The following BLTP3B variants were observed in gnomAD, a reference collection of about 807,000 sequenced individuals.
BLTP3B encodes the protein UHRF1 (ICBP90) binding protein 1-like.
the BLTP3B span, chr12:100,057,649 TG>T: frequency 1.9e-6 from 3 of 1,612,852 alleles, no homozygotes; most frequent in Non-Finnish European, 2.5e-6. Flanking sequence ...TCAAGTGAAA[TG>T]GTATCCAATG....
At chr12:100,047,200 T>A in the BLTP3B span, among the ~76,000 whole-genome samples, 1 of 152,192 alleles carries the variant, frequency 6.6e-6, no homozygotes, top group African/African-American at 2.4e-5. Flanking sequence ...GGTGTTCATT[T>A]AAATGGGTTT....
chr12:100,087,530 C>T, the BLTP3B span, among the ~76,000 whole-genome samples: 3 of 152,168 alleles, frequency 2.0e-5, no homozygotes, highest in African/African-American at 7.2e-5. Context: ...CCATGCAACA[C>T]TCTCAGCAGG....
chr12:100,089,153 A>G, the BLTP3B span: 2 of 1,367,050 alleles, frequency 1.5e-6, no homozygotes, highest in Non-Finnish European at 1.9e-6. Flanking sequence ...AATTTCACAC[A>G]AAAATCTAAG....
the BLTP3B span, chr12:100,108,486 A>G: frequency 6.2e-7 from 1 of 1,613,666 alleles, no homozygotes; most frequent in Non-Finnish European, 8.5e-7. Context: ...CAAATTCTTC[A>G]GTTCACCTTC....
the BLTP3B span, chr12:100,051,177 T>C: frequency 2.5e-6 from 4 of 1,613,810 alleles, no homozygotes; most frequent in African/African-American, 1.3e-5. Flanking sequence ...GCATTCACAC[T>C]TTCTGCTGTG....
At chr12:100,062,869 G>A in the BLTP3B span, among the ~76,000 whole-genome samples, 1 of 151,968 alleles carries the variant, frequency 6.6e-6, no homozygotes, top group South Asian at 2.1e-4. Context: ...GCTGAGGTGG[G>A]AAGGTCACTT....
the BLTP3B span, chr12:100,051,238 G>A: frequency 1.2e-6 from 2 of 1,605,738 alleles, no homozygotes; most frequent in Admixed American, 1.7e-5. Flanking sequence ...TAACACAAAA[G>A]TAAATTAATA....
chr12:100,049,028 T>C, the BLTP3B span, among the ~76,000 whole-genome samples: 1 of 152,038 alleles, frequency 6.6e-6, no homozygotes, highest in Non-Finnish European at 1.5e-5. Context: ...TGCTAATTGG[T>C]TCCAAAATGG....
chr12:100,112,416 A>C, the BLTP3B span, among the ~76,000 whole-genome samples: 1 of 152,186 alleles, frequency 6.6e-6, no homozygotes, highest in Non-Finnish European at 1.5e-5. Flanking sequence ...CTGAGCTGGG[A>C]GGATTGCTTG....
At chr12:100,140,613 G>C in the BLTP3B span, among the ~76,000 whole-genome samples, 3 of 144,666 alleles carry the variant, frequency 2.1e-5, no homozygotes, top group African/African-American at 7.7e-5. Context: ...GCTGAGGCAG[G>C]AGAACTGATT....
chr12:100,079,672 G>A, the BLTP3B span, among the ~76,000 whole-genome samples: 2 of 152,204 alleles, frequency 1.3e-5, no homozygotes, highest in East Asian at 1.9e-4. Flanking sequence ...ACAGAAATTT[G>A]CGTAAGTAAA....
the BLTP3B span, among the ~76,000 whole-genome samples, chr12:100,046,932 T>C: frequency 6.6e-6 from 1 of 152,108 alleles, no homozygotes; most frequent in East Asian, 1.9e-4. Context: ...AGAGATCAAC[T>C]GAGAGACACA....
At chr12:100,142,312 G>C in the BLTP3B span, among the ~76,000 whole-genome samples, 1 of 152,302 alleles carries the variant, frequency 6.6e-6, no homozygotes, top group African/African-American at 2.4e-5. Flanking sequence ...CCCAGACGCC[G>C]CGCCGGGAGC....
At chr12:100,060,071 T>A in the BLTP3B span, 9 of 1,526,894 alleles carry the variant, frequency 5.9e-6, no homozygotes, top group African/African-American at 8.5e-5. Context: ...TTTTTAAAAA[T>A]TTTTAATTGG....
At chr12:100,136,570 G>C in the BLTP3B span, among the ~76,000 whole-genome samples, 4 of 151,910 alleles carry the variant, frequency 2.6e-5, no homozygotes, top group Non-Finnish European at 5.9e-5. Context: ...ATTATTTACT[G>C]AGCTTTACCA....
chr12:100,130,987 GAGAGAGAGAGAGAGAGA>G, the BLTP3B span, among the ~76,000 whole-genome samples: 16 of 76,336 alleles, frequency 2.1e-4, no homozygotes, highest in South Asian at 1.0e-3. Context: ...GGGAGGGAGA[GAGAGAGAGAGAGAGAGA>G]GAGAGAGAGA....
chr12:100,058,491 G>C, the BLTP3B span: 5 of 1,613,130 alleles, frequency 3.1e-6, no homozygotes, highest in East Asian at 2.2e-5. Flanking sequence ...TCTGTTGTCT[G>C]ACATATGATT....
chr12:100,083,614 C>T, the BLTP3B span, among the ~76,000 whole-genome samples: 3 of 151,502 alleles, frequency 2.0e-5, no homozygotes, highest in African/African-American at 7.3e-5. Context: ...GACGAATATG[C>T]TAATTACTCT....
the BLTP3B span, among the ~76,000 whole-genome samples, chr12:100,048,735 GGAGAGAGA>G: frequency 3.3e-5 from 4 of 119,554 alleles, no homozygotes; most frequent in East Asian, 2.4e-4. Context: ...GTAAGGGGGG[GGAGAGAGA>G]GAGAGAGAGA....
Sources: gnomAD v4.1 joint callset for allele counts (sites outside exome capture counted in the v4.1 genomes callset) on GRCh38, gnomAD v4.1.1 for gene constraint, MANE v1.5 for transcripts, NCBI Gene and HGNC (gene_info 2026-07-23, HGNC 2026-07-21) for gene names.